IZUMO3: variants seen among roughly 807,000 people sequenced by gnomAD.
The protein encoded by IZUMO3 is izumo sperm-egg fusion protein 3.
Under a neutral mutation model 28.4 loss-of-function variants are expected in IZUMO3, and 36 were observed. The observed-to-expected ratio is 1.27, with a 90% confidence interval of 0.97 to 1.67. IZUMO3 has a LOEUF of 1.67. Among genes scored for constraint, IZUMO3 ranks in the 40% most tolerant of loss-of-function variants. IZUMO3 has a pLI of 0.00. For synonymous variants in IZUMO3, 126 were observed against 99.2 expected, an observed-to-expected ratio of 1.27 and a Z score of -1.61; for missense variants, 387 against 278.5, an observed-to-expected ratio of 1.39 and a Z score of -2.77.
chr9:24,545,870 C>G lies in IZUMO3; in HGVS notation c.-221G>C. ...TCCTTCATTCTAGGAGAGGGAACTG[C>G]CAGCTGGGGAGCGGATACCTGAGTT... On this transcript the variant is annotated 5_prime_UTR_variant, in exon 1 of 7. Transcript: ENST00000543880. The G allele has an allele frequency of 2.6e-6, 4 of 1,513,902 alleles. No homozygotes were observed. The highest frequency in any genetic ancestry group is 3.6e-6 in the Non-Finnish European group (4 of 1,124,708). The allele number at this position is 1,513,902 out of a possible 1,614,324, so 93.8% of individuals were successfully genotyped here.
chr9:24,544,206 C>A lies in IZUMO3; in HGVS notation c.485G>T (p.Cys162Phe). 6.5e-7 allele frequency: 1 copy of A among 1,547,892 alleles called. No individual in the cohort carries two copies. Among genetic ancestry groups the A allele is most frequent in the Non-Finnish European group, 8.7e-7 (1 of 1,144,492 alleles). ...CATACCATGATCTTTGTTACCTCCA[C>A]AATATTCTCCTTTGAAGCACCTGTT... The part of the protein sequence containing the change: ...MTNRCFKGEY[C>F]GDEDPRKAEN... The change falls in exon 5 of 7, where the codon TGT (cysteine) becomes TTT (phenylalanine). Residue 162 changes from cysteine (C) to phenylalanine (F), a missense_variant. Coordinates refer to ENST00000543880, the MANE Select transcript of IZUMO3 (RefSeq NM_001365008.2).
chr9:24,544,260 A>G lies in IZUMO3; in HGVS notation c.431T>C (p.Leu144Pro). ...CATGCGAAGACACGTCCAACAATCA[A>G]GAATGGGACCTTCAACCACAACTGA... The part of the protein sequence containing the change: ...EDCIVVEGPI[L>P]DCWTCLRMTN... Residue 144 changes from leucine to proline, a missense_variant, in exon 5 of 7, where the codon CTT becomes CCT. Coordinates refer to ENST00000543880, the MANE Select transcript of IZUMO3 (RefSeq NM_001365008.2). 1 of 1,550,232 alleles carries G rather than the reference A, an allele frequency of 6.5e-7. No individual in the cohort carries two copies. Among genetic ancestry groups the G allele is most frequent in the South Asian group, 1.2e-5 (1 of 84,058 alleles).
In IZUMO3 at chr9:24,543,303, C is replaced by T; in HGVS notation, c.646G>A (p.Val216Met). The change falls in exon 7 of 7, where the codon GTG (valine) becomes ATG (methionine). Residue 216 changes from valine (V) to methionine (M), a missense_variant. Val to Met is a conservative substitution (Grantham distance 21). Coordinates refer to ENST00000543880, the MANE Select transcript of IZUMO3 (RefSeq NM_001365008.2). The part of the protein sequence containing the change: ...KAIRRSLKEY[V>M]EKKLEELMGK... ...ATTAATTCTTCAAGTTTCTTCTCCA[C>T]ATATTCCTTTAGCGACCTTCGTATT... The T allele has an allele frequency of 1.9e-6, 3 of 1,548,892 alleles. No individual in the cohort carries two copies. Among genetic ancestry groups the T allele is most frequent in the Non-Finnish European group, 1.7e-6 (2 of 1,145,914 alleles).
In IZUMO3 at chr9:24,543,220, T is replaced by C; in HGVS notation, c.*9A>G. On this transcript the variant is annotated 3_prime_UTR_variant, in exon 7 of 7. Coordinates refer to ENST00000543880, the MANE Select transcript of IZUMO3 (RefSeq NM_001365008.2). ...AATCATGAAAGACTTCTTGTCCATG[T>C]TGATGTGTTTATTTTCTGAGTCTAA... The C allele has an allele frequency of 1.3e-6, 2 of 1,537,604 alleles. No individual in the cohort carries two copies. Among genetic ancestry groups the C allele is most frequent in the Non-Finnish European group, 1.8e-6 (2 of 1,140,632 alleles).
Position 24,544,206 on chromosome 9 carries a change from C to T in IZUMO3, c.485G>A (p.Cys162Tyr), listed in dbSNP as rs1819526808. ...CATACCATGATCTTTGTTACCTCCACAATATTCTCCTTTGAAGCACCTGTT... is the reference window on the plus strand; with the variant it reads ...CATACCATGATCTTTGTTACCTCCATAATATTCTCCTTTGAAGCACCTGTT... ...MTNRCFKGEY[C>Y]GDEDPRKAEN... Residue 162 changes from cysteine to tyrosine, a missense_variant, in exon 5 of 7, where the codon TGT becomes TAT. Transcript: ENST00000543880. 1.3e-6 allele frequency: 2 copies of T among 1,547,774 alleles called. No individual in the cohort carries two copies. Among genetic ancestry groups the T allele is most frequent in the African/African-American group, 1.4e-5 (1 of 72,976 alleles).
In IZUMO3 at chr9:24,545,750, A is replaced by C. The variant is rs1819579889; in HGVS notation, c.-101T>G. 6 of 1,534,542 alleles carry C rather than the reference A, an allele frequency of 3.9e-6. No individual in the cohort carries two copies. Among genetic ancestry groups the C allele is most frequent in the Non-Finnish European group, 5.3e-6 (6 of 1,141,680 alleles). ...TCCGGGAATGAGAGCCTGGTTCTGGATAGTCTGACTCCACTTTTCCCGCTG... is the reference window on the plus strand; with the variant it reads ...TCCGGGAATGAGAGCCTGGTTCTGGCTAGTCTGACTCCACTTTTCCCGCTG... On this transcript the variant is annotated 5_prime_UTR_variant, in exon 1 of 7. The change creates a premature stop within an existing upstream ORF in the 5' untranslated region. Coordinates refer to ENST00000543880, the MANE Select transcript of IZUMO3 (RefSeq NM_001365008.2).
rs1173196685 is a variant in IZUMO3, at chr9:24,543,302, A to C, written c.647T>G (p.Val216Gly). The change falls in exon 7 of 7, where the codon GTG (valine) becomes GGG (glycine). Residue 216 changes from valine to glycine, a missense_variant. By Grantham distance (109) the Val-to-Gly change is moderately radical. Coordinates refer to ENST00000543880, the MANE Select transcript of IZUMO3 (RefSeq NM_001365008.2). ...KAIRRSLKEY[V>G]EKKLEELMGK... is the part of the protein sequence containing the mutation. ...CATTAATTCTTCAAGTTTCTTCTCC[A>C]CATATTCCTTTAGCGACCTTCGTAT... 4 of 1,548,744 alleles carry C rather than the reference A, an allele frequency of 2.6e-6. No individual in the cohort carries two copies. Among genetic ancestry groups the C allele is most frequent in the African/African-American group, 1.4e-5 (1 of 72,928 alleles).
rs867314691 is a variant in IZUMO3, at chr9:24,543,309, C to T, written c.640G>A (p.Glu214Lys). 1 of 1,548,724 alleles carries T rather than the reference C, an allele frequency of 6.5e-7. No homozygotes were observed. Among genetic ancestry groups the T allele is most frequent in the South Asian group, 1.2e-5 (1 of 83,944 alleles). ...KMKAIRRSLK[E>K]YVEKKLEELM... is the part of the protein sequence containing the mutation. The stretch of plus-strand genomic sequence containing the variant: ...TCTTCAAGTTTCTTCTCCACATATT[C>T]CTTTAGCGACCTTCGTATTGCCTTC... The change falls in exon 7 of 7, where the codon GAA (glutamate) becomes AAA (lysine). Residue 214 changes from glutamate to lysine, a missense_variant. Glu to Lys is a moderately conservative substitution (Grantham distance 56). Transcript: ENST00000543880.
chr9:24,544,773 C>T lies in IZUMO3; in HGVS notation c.392-13G>A. On this transcript the variant is annotated splice_polypyrimidine_tract_variant and intron_variant, in intron 3 of 6. Transcript: ENST00000543880. Reference sequence around the variant, plus strand: ...TCTTCAGAACAAGCTAGAAGAGAATCAGAAAGTTCTAATGAGTTTAAAACC... The same window carrying T: ...TCTTCAGAACAAGCTAGAAGAGAATTAGAAAGTTCTAATGAGTTTAAAACC... 6.5e-7 allele frequency: 1 copy of T among 1,549,896 alleles called. No individual in the cohort carries two copies. Among genetic ancestry groups the T allele is most frequent in the Admixed American group, 2.0e-5 (1 of 50,984 alleles).
chr9:24,543,733 T>G lies in IZUMO3; in HGVS notation c.512A>C (p.Glu171Ala). The change falls in exon 6 of 7, where the codon GAG becomes GCG. Residue 171 changes from glutamate to alanine, a missense_variant. Physicochemically the swap from Glu to Ala is moderately radical, Grantham distance 107. Coordinates refer to ENST00000543880, the MANE Select transcript of IZUMO3 (RefSeq NM_001365008.2). ...YCGDEDPRKA[E>A]NREIALFLIL... The stretch of plus-strand genomic sequence containing the variant: ...GAGAAATAGAGCAATCTCTCGATTC[T>G]CAGCCTTTCTTGGATCCTCGTCTGG... 1 of 1,549,280 alleles carries G rather than the reference T, an allele frequency of 6.5e-7. No homozygotes were observed. Among genetic ancestry groups the G allele is most frequent in the Non-Finnish European group, 8.7e-7 (1 of 1,145,992 alleles).
chr9:24,544,084 C>A (rs545964426), intron 5 of IZUMO3, 117 bp downstream of exon 5: 31 of 736,676 alleles, frequency 4.2e-5, no homozygotes, highest in Non-Finnish European at 6.8e-5. Context: ...GTAACACTAC[C>A]ATGACCTCCA....
At chr9:24,543,872 A>G (rs1819519400) in intron 5 of IZUMO3, 118 bp from the exon 6 acceptor site, 2 of 693,416 alleles carry the variant, frequency 2.9e-6, no homozygotes, top group Admixed American at 2.3e-5. Flanking sequence ...CTACTTCATC[A>G]CTGTTCCATG....
Position 24,545,706 on chromosome 9 carries a change from G to C in IZUMO3, c.-57C>G, listed in dbSNP as rs770566687. ...GTTGTCCTGGCAACTAGTTCACTTAGTTCCTTTTCCTTCAAAAATCCGGGA... is the reference window on the plus strand; with the variant it reads ...GTTGTCCTGGCAACTAGTTCACTTACTTCCTTTTCCTTCAAAAATCCGGGA... On this transcript the variant is annotated 5_prime_UTR_variant, in exon 1 of 7. Coordinates refer to ENST00000543880, the MANE Select transcript of IZUMO3 (RefSeq NM_001365008.2). 1.8e-5 allele frequency: 27 copies of C among 1,532,976 alleles called. No homozygotes were observed. Among genetic ancestry groups the C allele is most frequent in the African/African-American group, 4.1e-5 (3 of 72,716 alleles). The allele number at this position is 1,532,976 out of a possible 1,614,324, so 95.0% of individuals were successfully genotyped here.
In IZUMO3 at chr9:24,543,438, GTTTTTTTTTTTTTTTTTTTTTT is replaced by G. The variant is rs33972842; in HGVS notation, c.582-93_582-72del. On this transcript the variant is annotated intron_variant, in intron 6 of 6. Transcript: ENST00000543880. ...CCATTCTTTAAGCCAGTTATACATTGTTTTTTTTTTTTTTTTTTTTTTTTTTTTTTTTTTGCTGGATACTTCT... is the reference window on the plus strand; with the variant it reads ...CCATTCTTTAAGCCAGTTATACATTGTTTTTTTTTTTTGCTGGATACTTCT... 4 of 37,802 alleles carry G rather than the reference GTTTTTTTTTTTTTTTTTTTTTT, an allele frequency of 1.1e-4. 1 individual carries two copies. The highest frequency in any genetic ancestry group is 1.7e-4 in the African/African-American group (1 of 6,032). 2.3% of individuals were successfully genotyped at this position (37,802 alleles called of 1,614,324 possible).
intron 5 of IZUMO3, 53 bp downstream of exon 5, chr9:24,544,148 C>T (rs1048101028): frequency 8.1e-7 from 1 of 1,230,462 alleles, no homozygotes; most frequent in South Asian, 1.3e-5. Context: ...CAGTGAGCAA[C>T]CCTGCTCCTT....
rs538638249 is a variant in IZUMO3 at position 24,543,391 on chromosome 9, T to C, written c.582-24A>G. The C allele has an allele frequency of 8.8e-5, 122 of 1,394,188 alleles. 1 individual carries two copies. The African/African-American group carries it at 1.8e-3, about 20-fold the overall frequency. 86.4% of individuals were successfully genotyped at this position (1,394,188 alleles called of 1,614,324 possible). On this transcript the variant is annotated intron_variant, in intron 6 of 6. Transcript: ENST00000543880. Reference sequence around the variant, plus strand: ...ATCTAGAGTAGGAAAAGAAAATAATTCCAACTTCAATATCAGTAGCCCCAT... The same window carrying C: ...ATCTAGAGTAGGAAAAGAAAATAATCCCAACTTCAATATCAGTAGCCCCAT...
chr9:24,544,865 C>T (rs1228019349), intron 3 of IZUMO3, 105 bp from the exon 4 acceptor site: 2 of 1,332,966 alleles, frequency 1.5e-6, no homozygotes, highest in Non-Finnish European at 2.1e-6. Flanking sequence ...GTTACCTCTC[C>T]ACCCATTCTA....
chr9:24,544,369 C>T (rs1247463680), intron 4 of IZUMO3, 88 bp from the exon 5 acceptor site: 1 of 926,906 alleles, frequency 1.1e-6, no homozygotes, highest in Non-Finnish European at 1.7e-6. Flanking sequence ...GATTTGATCT[C>T]AAGCATTCCC....
At chr9:24,544,125 A>C (rs1278474462) in intron 5 of IZUMO3, 76 bp downstream of exon 5, 1 of 985,366 alleles carries the variant, frequency 1.0e-6, no homozygotes, top group Non-Finnish European at 1.6e-6. Flanking sequence ...CAACAAATAC[A>C]TGTAGAATAA....
Sources: gnomAD v4.1 joint callset for allele counts on GRCh38, gnomAD v4.1.1 for gene constraint, MANE v1.5 for transcripts, NCBI Gene and HGNC (gene_info 2026-07-23, HGNC 2026-07-21) for gene names.